ARNT2: variants seen among roughly 807,000 people sequenced by gnomAD.
ARNT2 encodes the protein ARNT protein 2.
Under a neutral mutation model 91.7 loss-of-function variants are expected in ARNT2, and 36 were observed. The ratio of observed to expected loss-of-function variants is 0.39; its 90% confidence interval spans 0.30 to 0.52. The LOEUF (loss-of-function observed/expected upper bound fraction) is 0.52, where lower values mean the gene tolerates loss of function less well. Among genes scored for constraint, ARNT2 ranks in the 20% least tolerant of loss-of-function variants. The pLI is 0.72. For missense variants in ARNT2, 775 were observed against 939.3 expected (o/e 0.83, Z 2.29); for synonymous variants, 365 against 347.1 (o/e 1.05, Z -0.57).
chr15:80,576,947 A>C lies in ARNT2; in HGVS notation c.1595A>C (p.His532Pro). The change falls in exon 15 of 19, where the codon CAC becomes CCC. Residue 532 changes from histidine to proline, a missense_variant. Around this residue, in one of 5 missense-constraint regions of ARNT2, gnomAD observed 325 missense variants for 359.9 expected, o/e 0.90. Coordinates refer to ENST00000303329, the MANE Select transcript of ARNT2 (RefSeq NM_014862.4). ...YSQGSPFPSG[H>P]SGKAFSSSVV... is the part of the protein sequence containing the mutation. ...CAAGGAAGCCCATTTCCCTCTGGAC[A>C]CTCCGGGAAGGCCTTCAGGTATGTG... 6.2e-7 allele frequency: 1 copy of C among 1,613,940 alleles called. No individual in the cohort carries two copies.
chr15:80,555,166 G>A (rs776450324), intron 11 of ARNT2, 27 bp downstream of exon 11: 1 of 1,610,606 alleles, frequency 6.2e-7, no homozygotes, highest in Non-Finnish European at 8.5e-7. Context: ...CCCACTTAAA[G>A]CTGATGCATA....
At chr15:80,471,077 C>T (rs1228064376) in intron 4 of ARNT2, among the ~76,000 whole-genome samples, 2 of 152,222 alleles carry the variant, frequency 1.3e-5, no homozygotes, top group South Asian at 2.1e-4. Context: ...CATATGCTTA[C>T]GTATGTTCAT....
chr15:80,573,329 TTTTA>T (rs548220903), intron 12 of ARNT2, among the ~76,000 whole-genome samples: 1 of 152,220 alleles, frequency 6.6e-6, no homozygotes, highest in Non-Finnish European at 1.5e-5. Flanking sequence ...ATATTTGTCC[TTTTA>T]TTTATTTATT....
rs968685312 is a variant in ARNT2, at chr15:80,450,086, A to T, written c.32-794A>T. ...GTTAAGTAGGAAAGAGAGACTGCTT[A>T]GTGTGGTTTCTTTGAAATCAGGGAT... is the stretch of plus-strand genomic sequence containing the variant. On this transcript the variant is annotated intron_variant, in intron 1 of 18. Coordinates refer to ENST00000303329, the MANE Select transcript of ARNT2 (RefSeq NM_014862.4). Among the ~76,000 whole-genome samples the T allele has an allele frequency of 2.6e-5, 4 of 152,230 alleles. No individual in the cohort carries two copies. The East Asian group carries it at 7.7e-4, about 29-fold the overall frequency.
intron 8 of ARNT2, among the ~76,000 whole-genome samples, chr15:80,544,052 A>G (rs954883879): frequency 6.6e-6 from 1 of 152,134 alleles, no homozygotes; most frequent in Non-Finnish European, 1.5e-5. Flanking sequence ...CATCTAGTAC[A>G]TTTTTAAAAT....
chr15:80,521,052 A>G (rs1368197236), intron 8 of ARNT2, among the ~76,000 whole-genome samples: 1 of 152,204 alleles, frequency 6.6e-6, no homozygotes, highest in African/African-American at 2.4e-5. Flanking sequence ...AGAAAATGTA[A>G]CATTCCTAGA....
At chr15:80,453,045 G>A (rs1264975069) in intron 2 of ARNT2, among the ~76,000 whole-genome samples, 1 of 152,144 alleles carries the variant, frequency 6.6e-6, no homozygotes, top group Non-Finnish European at 1.5e-5. Context: ...GTGTTGGGAC[G>A]ACAGGCATGA....
chr15:80,512,285 T>C (rs74027805), intron 6 of ARNT2, among the ~76,000 whole-genome samples: 2,669 of 152,318 alleles, frequency 0.018, 85 homozygotes, highest in African/African-American at 0.061. Context: ...CCATTTGTTC[T>C]GTTTTACGAG....
intron 12 of ARNT2, among the ~76,000 whole-genome samples, chr15:80,566,020 A>T (rs1266622023): frequency 6.6e-6 from 1 of 152,218 alleles, no homozygotes; most frequent in Non-Finnish European, 1.5e-5. Context: ...GCCCAGAAGC[A>T]TAGAATTTTT....
intron 6 of ARNT2, among the ~76,000 whole-genome samples, chr15:80,509,614 T>C (rs575284944): frequency 7.9e-5 from 12 of 151,990 alleles, no homozygotes; most frequent in African/African-American, 2.7e-4. Flanking sequence ...CAAACTTAAG[T>C]GGGAGTAGGA....
Position 80,575,249 on chromosome 15 carries a change from C to G in ARNT2, c.1513+139C>G, listed in dbSNP as rs145999977. 1.8e-5 allele frequency: 21 copies of G among 1,191,226 alleles called. No individual in the cohort carries two copies. The African/African-American group carries it at 3.1e-4, about 17-fold the overall frequency. 73.8% of individuals were successfully genotyped at this position (1,191,226 alleles called of 1,614,324 possible). On this transcript the variant is annotated intron_variant, in intron 14 of 18. Coordinates refer to ENST00000303329, the MANE Select transcript of ARNT2 (RefSeq NM_014862.4). ...AACCATTGCAGGGTATAAAAATACA[C>G]GAGTTGGAATGGATTCTGTCTACTC...
Position 80,580,538 on chromosome 15 carries a change from T to C in ARNT2, c.1741T>C (p.Phe581Leu). The C allele has an allele frequency of 1.2e-6, 2 of 1,614,016 alleles. No individual in the cohort carries two copies. Among genetic ancestry groups the C allele is most frequent in the Non-Finnish European group, 1.7e-6 (2 of 1,180,004 alleles). Reference sequence around the variant, plus strand: ...GGCATGGACAGGGAGTCGTCCGCCCTTTCCGGGACAGGTATGGGCATCTGT... The same window carrying C: ...GGCATGGACAGGGAGTCGTCCGCCCCTTCCGGGACAGGTATGGGCATCTGT... ...QVAWTGSRPP[F>L]PGQQIPSQSS... The change falls in exon 16 of 19, where the codon TTT becomes CTT. Residue 581 changes from phenylalanine (F) to leucine (L), a missense_variant. Phe to Leu is a conservative substitution (Grantham distance 22, BLOSUM62 0). Around this residue, in one of 5 missense-constraint regions of ARNT2, gnomAD observed 325 missense variants for 359.9 expected, o/e 0.90. Transcript: ENST00000303329.
chr15:80,546,702 T>A (rs1897996638), intron 8 of ARNT2, among the ~76,000 whole-genome samples: 1 of 152,148 alleles, frequency 6.6e-6, no homozygotes. Context: ...CGGTGGCTCA[T>A]GCCTATAATC....
At chr15:80,530,842 C>T (rs1897728094) in intron 8 of ARNT2, among the ~76,000 whole-genome samples, 2 of 152,152 alleles carry the variant, frequency 1.3e-5, no homozygotes, top group African/African-American at 4.8e-5. Flanking sequence ...GTAGATACAC[C>T]ATGAATACAA....
Position 80,575,024 on chromosome 15 carries a change from C to G in ARNT2, c.1427C>G (p.Ala476Gly). 6.2e-7 allele frequency: 1 copy of G among 1,614,154 alleles called. No homozygotes were observed. The highest frequency in any genetic ancestry group is 8.5e-7 in the Non-Finnish European group (1 of 1,180,024). Residue 476 changes from alanine (A) to glycine (G), a missense_variant, in exon 14 of 19, where the codon GCC (alanine) becomes GGC (glycine). Ala to Gly is a moderately conservative substitution (Grantham distance 60). Transcript: ENST00000303329. The part of the protein sequence containing the change: ...VPNLPAGVHE[A>G]GKSVEKADAI... The stretch of plus-strand genomic sequence containing the variant: ...AACCTACCAGCCGGTGTTCATGAGG[C>G]CGGGAAGTCCGTGGAAAAGGCGGAT...
At chr15:80,505,920 A>ATTTTTTTTTTTTTTTT (rs1897265653) in intron 5 of ARNT2, among the ~76,000 whole-genome samples, 1 of 87,012 alleles carries the variant, frequency 1.1e-5, no homozygotes, top group African/African-American at 5.4e-5. Context: ...GATTCCCAAC[A>ATTTTTTTTTTTTTTTT]TTTGTTGTTT....
rs776912133 is a variant in ARNT2 at position 80,575,053 on chromosome 15, A to G, written c.1456A>G (p.Ile486Val). The G allele has an allele frequency of 2.5e-6, 4 of 1,614,196 alleles. No homozygotes were observed. In the East Asian group the frequency reaches 6.7e-5, roughly 27 times the overall value. Residue 486 changes from isoleucine to valine, a missense_variant, in exon 14 of 19, where the codon ATC (isoleucine) becomes GTC (valine). This residue lies in a region of ARNT2 where 325 missense variants were observed against 359.9 expected (regional missense o/e 0.90). Transcript: ENST00000303329. ...AGKSVEKADA[I>V]FSQERDPRFA... ...GAAGTCCGTGGAAAAGGCGGATGCAATCTTCTCCCAGGAAAGAGATCCTCG... is the reference window on the plus strand; with the variant it reads ...GAAGTCCGTGGAAAAGGCGGATGCAGTCTTCTCCCAGGAAAGAGATCCTCG...
At chr15:80,471,505 G>C (rs1259538913) in intron 4 of ARNT2, among the ~76,000 whole-genome samples, 1 of 152,262 alleles carries the variant, frequency 6.6e-6, no homozygotes, top group Middle Eastern at 3.4e-3. Flanking sequence ...TTGGCAGTAC[G>C]TAACAAACCT....
chr15:80,545,746 G>A (rs544828540), intron 8 of ARNT2, among the ~76,000 whole-genome samples: 2 of 152,302 alleles, frequency 1.3e-5, no homozygotes, highest in South Asian at 4.1e-4. Context: ...CATTCAAAGG[G>A]GGCCAGCTTT....
Sources: allele counts gnomAD v4.1 joint callset (sites outside exome capture counted in the v4.1 genomes callset), GRCh38; gene constraint gnomAD v4.1.1; regional missense constraint gnomAD v4.1.1; transcripts MANE v1.5; gene names NCBI Gene and HGNC (gene_info 2026-07-23, HGNC 2026-07-21).